SPAG16: variants seen among roughly 807,000 people sequenced by gnomAD.
The protein encoded by SPAG16 is sperm-associated antigen 16 protein.
Under a neutral mutation model 80.4 loss-of-function variants are expected in SPAG16, and 86 were observed. That is an observed-to-expected ratio of 1.07 (90% CI 0.90 to 1.28). The LOEUF is 1.28. SPAG16 is among the 50% of genes most tolerant of loss of function. The pLI is 0.00. For synonymous variants in SPAG16, 294 were observed against 265.9 expected (o/e 1.11, Z -1.03); for missense variants, 870 against 765.3 (o/e 1.14, Z -1.61).
rs1033989424 is a variant in SPAG16, at chr2:213,464,486, G to A, written c.943-25477G>A. 3.3e-5 allele frequency among the ~76,000 whole-genome samples: 5 copies of A among 152,236 alleles called. No homozygotes were observed. The South Asian group carries it at 1.0e-3, about 32-fold the overall frequency. On this transcript the variant is annotated intron_variant, in intron 9 of 15. Coordinates refer to ENST00000331683, the MANE Select transcript of SPAG16 (RefSeq NM_024532.5). ...AGGTACTTAGGGAGCCCAAAGTGAG[G>A]AATTATCTAATTAATTAGTACTTCT...
At position 214,277,938 on chromosome 2, in the gene SPAG16, C is replaced by T. The variant is rs181083895; in HGVS notation, c.1720+128672C>T. Among the ~76,000 whole-genome samples the T allele has an allele frequency of 8.5e-5, 13 of 152,332 alleles. No homozygotes were observed. The East Asian group carries it at 2.3e-3, about 27-fold the overall frequency. On this transcript the variant is annotated intron_variant, in intron 15 of 15. Coordinates refer to ENST00000331683, the MANE Select transcript of SPAG16 (RefSeq NM_024532.5). ...AGGTGGAGTCAACAGAGGCAGCCCACCTTGCTGGGCTGTGGTGGGGTCCAC... is the reference window on the plus strand; with the variant it reads ...AGGTGGAGTCAACAGAGGCAGCCCATCTTGCTGGGCTGTGGTGGGGTCCAC...
intron 15 of SPAG16, among the ~76,000 whole-genome samples, chr2:214,324,635 G>A (rs1190689117): frequency 6.6e-6 from 1 of 151,994 alleles, no homozygotes; most frequent in Non-Finnish European, 1.5e-5. Flanking sequence ...GCCAACCCAC[G>A]TCTGTGTAGC....
intron 11 of SPAG16, among the ~76,000 whole-genome samples, chr2:213,876,762 C>T (rs1369099204): frequency 6.6e-6 from 1 of 152,106 alleles, no homozygotes; most frequent in Non-Finnish European, 1.5e-5. Flanking sequence ...TGTTATAACT[C>T]CACATCTAGA....
chr2:214,387,691 A>ACAAT (rs1344838259), intron 15 of SPAG16, among the ~76,000 whole-genome samples: 1 of 152,234 alleles, frequency 6.6e-6, no homozygotes, highest in Non-Finnish European at 1.5e-5. Context: ...CAGGAAACTT[A>ACAAT]CAATCATGGT....
chr2:213,817,959 T>C (rs2072668385), intron 10 of SPAG16, among the ~76,000 whole-genome samples: 1 of 152,166 alleles, frequency 6.6e-6, no homozygotes, highest in African/African-American at 2.4e-5. Flanking sequence ...ATGTTCTCCC[T>C]GACCCTAAAA....
intron 9 of SPAG16, among the ~76,000 whole-genome samples, chr2:213,381,135 GC>G (rs1424884856): frequency 6.6e-6 from 1 of 152,166 alleles, no homozygotes; most frequent in Admixed American, 6.5e-5. Context: ...GCTATGATAA[GC>G]CCCTAATTTA....
intron 12 of SPAG16, among the ~76,000 whole-genome samples, chr2:213,932,937 T>C (rs1039391425): frequency 7.3e-6 from 1 of 136,590 alleles, no homozygotes; most frequent in African/African-American, 2.8e-5. Flanking sequence ...TTTCACTTAA[T>C]GGTTGTTTGA....
chr2:213,963,170 A>G (rs914890635), intron 12 of SPAG16, among the ~76,000 whole-genome samples: 2 of 151,788 alleles, frequency 1.3e-5, no homozygotes, highest in Non-Finnish European at 2.9e-5. Context: ...AATAAGCACC[A>G]ACATTCATAA....
chr2:213,731,874 C>A (rs1449255668), intron 10 of SPAG16, among the ~76,000 whole-genome samples: 1 of 152,124 alleles, frequency 6.6e-6, no homozygotes, highest in Non-Finnish European at 1.5e-5. Flanking sequence ...TGTCTTTTCA[C>A]TCCGTTGGTA....
intron 15 of SPAG16, among the ~76,000 whole-genome samples, chr2:214,386,365 C>G (rs569730590): frequency 6.6e-6 from 1 of 152,130 alleles, no homozygotes; most frequent in South Asian, 2.1e-4. Flanking sequence ...CACCACTGTA[C>G]TCCAGCCTGG....
chr2:213,529,168 A>G (rs2075984967), intron 10 of SPAG16, among the ~76,000 whole-genome samples: 1 of 152,194 alleles, frequency 6.6e-6, no homozygotes, highest in African/African-American at 2.4e-5. Context: ...AATAAATTTT[A>G]TTAAATTTTC....
intron 10 of SPAG16, among the ~76,000 whole-genome samples, chr2:213,669,589 A>G (rs1305371621): frequency 1.3e-5 from 2 of 152,236 alleles, no homozygotes; most frequent in Non-Finnish European, 2.9e-5. Context: ...TACATAAAGA[A>G]AAAACACCTT....
At chr2:213,705,907 C>G (rs1472097040) in intron 10 of SPAG16, among the ~76,000 whole-genome samples, 2 of 152,020 alleles carry the variant, frequency 1.3e-5, no homozygotes, top group Non-Finnish European at 2.9e-5. Flanking sequence ...GGGATTTATG[C>G]AAATTCCATA....
intron 10 of SPAG16, among the ~76,000 whole-genome samples, chr2:213,676,391 T>C (rs1313255910): frequency 6.6e-6 from 1 of 150,604 alleles, no homozygotes; most frequent in African/African-American, 2.5e-5. Context: ...TCCTGCCTAA[T>C]TGCCCTGGCC....
intron 9 of SPAG16, among the ~76,000 whole-genome samples, chr2:213,432,679 A>T (rs920756747): frequency 1.1e-4 from 16 of 152,194 alleles, no homozygotes; most frequent in Admixed American, 9.8e-4. Flanking sequence ...TGTACAAAGA[A>T]AAACTGAAAC....
At chr2:213,314,827 T>C (rs1013867089) in intron 4 of SPAG16, among the ~76,000 whole-genome samples, 1 of 151,972 alleles carries the variant, frequency 6.6e-6, no homozygotes, top group Non-Finnish European at 1.5e-5. Context: ...GAGATAAGTA[T>C]ATCACATTCC....
In SPAG16 at chr2:214,177,910, T is replaced by TATACAC. The variant is rs1553519923; in HGVS notation, c.1720+28647_1720+28648insCACATA. Among the ~76,000 whole-genome samples the TATACAC allele has an allele frequency of 1.8e-4, 13 of 70,858 alleles. No individual in the cohort carries two copies. The South Asian group carries it at 6.8e-3, about 37-fold the overall frequency. The allele number at this position is 70,858 out of a possible 152,430, so 46.5% of individuals were successfully genotyped here. On this transcript the variant is annotated intron_variant, in intron 15 of 15. Coordinates refer to ENST00000331683, the MANE Select transcript of SPAG16 (RefSeq NM_024532.5). The stretch of plus-strand genomic sequence containing the variant: ...CAGAATATATATATACATATATATA[T>TATACAC]ATATACATATATATATATATATATG...
chr2:214,327,325 A>G (rs576618234), intron 15 of SPAG16, among the ~76,000 whole-genome samples: 8 of 152,218 alleles, frequency 5.3e-5, no homozygotes, highest in Non-Finnish European at 1.2e-4. Flanking sequence ...AAGGATTTGA[A>G]TCATGGCTCT....
intron 10 of SPAG16, among the ~76,000 whole-genome samples, chr2:213,715,486 T>C (rs1468892644): frequency 6.6e-6 from 1 of 152,180 alleles, no homozygotes; most frequent in Non-Finnish European, 1.5e-5. Flanking sequence ...TGAAAATAGC[T>C]TGGGTTCTAG....
Sources: gnomAD v4.1 joint callset for allele counts (sites outside exome capture counted in the v4.1 genomes callset) on GRCh38, gnomAD v4.1.1 for gene constraint, MANE v1.5 for transcripts, NCBI Gene and HGNC (gene_info 2026-07-23, HGNC 2026-07-21) for gene names.